The following MEF2D variants were observed in gnomAD, a reference collection of about 807,000 sequenced individuals.
MEF2D encodes the protein myocyte-specific enhancer factor 2D.
A neutral mutation model predicts 59.3 loss-of-function variants in MEF2D; 10 were observed. That is an observed-to-expected ratio of 0.17 (90% CI 0.10 to 0.29). The LOEUF (loss-of-function observed/expected upper bound fraction) is 0.29. Ranked by LOEUF, MEF2D falls within the 10% of genes least tolerant of loss-of-function variation. The pLI is 1.00. For missense variants in MEF2D, 508 were observed against 699.4 expected (o/e 0.73, Z 3.09); for synonymous variants, 305 against 295.0 (o/e 1.03, Z -0.35).
chr1:156,485,205 C>T (rs114670079), intron 1 of MEF2D, among the ~76,000 whole-genome samples: 1,836 of 152,300 alleles, frequency 0.012, 32 homozygotes, highest in African/African-American at 0.043. Flanking sequence ...CAGAGAACAA[C>T]TCTTACCCCT....
At chr1:156,470,671 C>T (rs2102002018) in intron 9 of MEF2D, among the ~76,000 whole-genome samples, 1 of 152,258 alleles carries the variant, frequency 6.6e-6, no homozygotes, top group Non-Finnish European at 1.5e-5. Context: ...CCACTTAGGC[C>T]ATGTGACCTT....
At chr1:156,475,037 A>G (rs1671474830) in intron 9 of MEF2D, 71 bp downstream of exon 9, 1 of 1,607,528 alleles carries the variant, frequency 6.2e-7, no homozygotes, top group Admixed American at 1.7e-5. Context: ...GGGGATAACT[A>G]GCATTTCTGT....
intron 8 of MEF2D, among the ~76,000 whole-genome samples, 199 bp from the exon 9 acceptor site, chr1:156,475,436 CACAG>C (rs1265747800): frequency 6.6e-6 from 1 of 152,242 alleles, no homozygotes; most frequent in Non-Finnish European, 1.5e-5. Flanking sequence ...AACATGCACA[CACAG>C]ATTCACTGAC....
chr1:156,468,233 G>A lies in MEF2D; in HGVS notation c.1314C>T (p.Ile438=), dbSNP rs138780871. 1.2e-6 allele frequency: 2 copies of A among 1,603,764 alleles called. No homozygotes were observed. Among genetic ancestry groups the A allele is most frequent in the Non-Finnish European group, 1.7e-6 (2 of 1,173,254 alleles). ...GGCTTGGGGACACCGGTTCTGACTT[G>A]ATGCTGATGTGGGGGTGGGTGGTGA... The part of the protein sequence containing the change: ...LTVTTHPHIS[I]KSEPVSPSRE... The change falls in exon 11 of 12, where the codon ATC becomes ATT. Residue 438 remains isoleucine, a synonymous_variant. Transcript: ENST00000348159. This position sits in a 1 kb window ranked among gnomAD's most constrained non-coding sequence, Gnocchi z 4.3.
At position 156,479,677 on chromosome 1, in the gene MEF2D, G is replaced by C; in HGVS notation, c.516C>G (p.Ser172=). ...SLVTPSLVTS[S]LTDPRLLSPQ... is the part of the protein sequence containing the mutation. ...GGGACAGGAGCCGCGGGTCCGTGAG[G>C]GATGATGTCACCAGGGAAGGGGTGA... The change falls in exon 5 of 12, where the codon TCC becomes TCG. Residue 172 remains serine (S), a synonymous_variant. Coordinates refer to ENST00000348159, the MANE Select transcript of MEF2D (RefSeq NM_005920.4). 6.4e-7 allele frequency: 1 copy of C among 1,551,886 alleles called. No homozygotes were observed. Among genetic ancestry groups the C allele is most frequent in the Non-Finnish European group, 8.7e-7 (1 of 1,147,092 alleles).
chr1:156,498,324 G>A (rs1193006998), intron 1 of MEF2D, among the ~76,000 whole-genome samples: 3 of 152,144 alleles, frequency 2.0e-5, no homozygotes, highest in Non-Finnish European at 2.9e-5. Context: ...CAGGCATTGA[G>A]TACAGCAGAC....
intron 3 of MEF2D, among the ~76,000 whole-genome samples, chr1:156,481,428 G>A (rs1672010832): frequency 6.7e-6 from 1 of 150,312 alleles, no homozygotes. Flanking sequence ...GCTCTGCTTA[G>A]GAGAATAGGA....
chr1:156,480,892 A>G lies in MEF2D; in HGVS notation c.338T>C (p.Leu113Pro). ...GCTGGCGCGTCGGTACTTGTCCTCC[A>G]GCAGGGGGCTCTGTTCCAGCGAGTC... is the stretch of plus-strand genomic sequence containing the variant. ...GEDSLEQSPL[L>P]EDKYRRASEE... Residue 113 changes from leucine (L) to proline (P), a missense_variant, in exon 4 of 12, where the codon CTG becomes CCG. Leu to Pro is a moderately conservative substitution (Grantham distance 98). Transcript: ENST00000348159. The G allele has an allele frequency of 6.2e-7, 1 of 1,610,196 alleles. No homozygotes were observed. Among genetic ancestry groups the G allele is most frequent in the Non-Finnish European group, 8.5e-7 (1 of 1,178,560 alleles).
At chr1:156,475,557 T>A (rs2102049059) in intron 8 of MEF2D, among the ~76,000 whole-genome samples, 1 of 152,246 alleles carries the variant, frequency 6.6e-6, no homozygotes, top group South Asian at 2.1e-4. Context: ...ACATCGTCCA[T>A]CCCCTGTCTC....
intron 4 of MEF2D, 22 bp from the exon 5 acceptor site, chr1:156,479,818 C>T (rs1364135611): frequency 6.5e-7 from 1 of 1,550,136 alleles, no homozygotes; most frequent in Non-Finnish European, 8.7e-7. Flanking sequence ...GATGGAGGGG[C>T]AGGATCAGGC....
chr1:156,497,264 C>T (rs1301118794), intron 1 of MEF2D, among the ~76,000 whole-genome samples: 1 of 152,264 alleles, frequency 6.6e-6, no homozygotes, highest in East Asian at 1.9e-4. Context: ...TGGCCGGACT[C>T]CGGCCCCATG....
intron 8 of MEF2D, among the ~76,000 whole-genome samples, chr1:156,475,493 T>C (rs527970331): frequency 6.6e-6 from 1 of 152,316 alleles, no homozygotes; most frequent in East Asian, 1.9e-4. Context: ...ACTGGCCCTG[T>C]GGCCCCAGCA....
At chr1:156,495,430 T>C (rs892208034) in intron 1 of MEF2D, among the ~76,000 whole-genome samples, 6 of 152,172 alleles carry the variant, frequency 3.9e-5, no homozygotes, top group African/African-American at 1.2e-4. Context: ...AGTACAAAGC[T>C]TGGCACACAG....
intron 1 of MEF2D, 84 bp from the exon 2 acceptor site, chr1:156,483,514 G>A (rs1207004375): frequency 3.9e-5 from 22 of 565,350 alleles, no homozygotes; most frequent in South Asian, 2.8e-4. Context: ...GACTCACAGC[G>A]CCCCTGTGAG....
intron 3 of MEF2D, among the ~76,000 whole-genome samples, chr1:156,481,358 C>A (rs1175746462): frequency 6.6e-6 from 1 of 152,182 alleles, no homozygotes; most frequent in Non-Finnish European, 1.5e-5. Context: ...AAGCCCTGAC[C>A]AGAAGGCACT....
Position 156,468,156 on chromosome 1 carries a change from G to A in MEF2D, c.1391C>T (p.Pro464Leu), listed in dbSNP as rs771628658. The A allele has an allele frequency of 2.5e-6, 4 of 1,613,934 alleles. No homozygotes were observed. The highest frequency in any genetic ancestry group is 3.4e-6 in the Non-Finnish European group (4 of 1,179,854). ...PPPAVFPAAR[P>L]EPGDGLSSPA... ...GCTGCTGAGACCATCGCCAGGCTCA[G>A]GGCGGGCAGCTGGGAACACAGCTGG... The change falls in exon 11 of 12, where the codon CCT becomes CTT. Residue 464 changes from proline (P) to leucine (L), a missense_variant. Physicochemically the swap from Pro to Leu is moderately conservative, Grantham distance 98. This residue lies in a region of MEF2D where 481 missense variants were observed against 584.7 expected (regional missense o/e 0.82). Transcript: ENST00000348159. The surrounding 1 kb of genome is among the most constrained non-coding windows in gnomAD (Gnocchi z 4.3).
At chr1:156,490,013 C>T (rs1052396586) in intron 1 of MEF2D, among the ~76,000 whole-genome samples, 3 of 152,184 alleles carry the variant, frequency 2.0e-5, no homozygotes, top group African/African-American at 4.8e-5. Context: ...AAGGTGAAGC[C>T]GGTGATGCCC....
chr1:156,469,714 T>G (rs1671107112), intron 9 of MEF2D, among the ~76,000 whole-genome samples: 3 of 151,586 alleles, frequency 2.0e-5, no homozygotes. Context: ...ATAAGGAGAC[T>G]CCATCTCTAC....
chr1:156,492,450 A>G (rs967557113), intron 1 of MEF2D, among the ~76,000 whole-genome samples: 1 of 152,210 alleles, frequency 6.6e-6, no homozygotes, highest in Non-Finnish European at 1.5e-5. Context: ...ATGCCAACCA[A>G]TGGGAGCTGC....
Sources: gnomAD v4.1 joint callset for allele counts (sites outside exome capture counted in the v4.1 genomes callset) on GRCh38, gnomAD v4.1.1 for gene constraint, gnomAD v4.1.1 regional missense constraint, Gnocchi (gnomAD v3.1) non-coding constraint, MANE v1.5 for transcripts, NCBI Gene and HGNC (gene_info 2026-07-23, HGNC 2026-07-21) for gene names.